The following CBL variants were observed in gnomAD, a reference collection of about 807,000 sequenced individuals.
The protein encoded by CBL is E3 ubiquitin-protein ligase CBL.
CBL carries 45 observed loss-of-function variants against 96.9 expected under a neutral mutation model. The observed-to-expected ratio is 0.46, with a 90% CI of 0.37 to 0.60. CBL has a LOEUF of 0.60. Among genes scored for constraint, CBL ranks in the 20% least tolerant of loss-of-function variants. The pLI, the probability that CBL is intolerant of heterozygous loss-of-function variation, is 0.00. For missense variants in CBL, 1,024 were observed against 1,143.5 expected (o/e 0.90, Z 1.51); for synonymous variants, 420 against 426.8 (o/e 0.98, Z 0.20).
chr11:119,223,184 CTTTTTTTTTTTTTT>C (rs1167302746), intron 1 of CBL, among the ~76,000 whole-genome samples: 6 of 67,196 alleles, frequency 8.9e-5, no homozygotes, highest in East Asian at 1.4e-3. Context: ...CACACCCTTC[CTTTTTTTTTTTTTT>C]TTTTTTTTTT....
At chr11:119,208,293 C>G (rs1949290101) in intron 1 of CBL, among the ~76,000 whole-genome samples, 1 of 151,992 alleles carries the variant, frequency 6.6e-6, no homozygotes, top group Non-Finnish European at 1.5e-5. Flanking sequence ...ATGAGTGTCT[C>G]GTATCAGACA....
chr11:119,277,653 C>T (rs1270730740), intron 6 of CBL, 104 bp from the exon 7 acceptor site: 13 of 752,922 alleles, frequency 1.7e-5, no homozygotes, highest in East Asian at 1.0e-4. Context: ...ACTTACACCA[C>T]GTTGCCCTTT....
Position 119,300,202 on chromosome 11 carries a change from CTG to C in CBL, c.*429_*430del, listed in dbSNP as rs1950092235. 6.3e-6 allele frequency: 3 copies of C among 474,092 alleles called. No homozygotes were observed. The highest frequency in any genetic ancestry group is 1.0e-4 in the South Asian group (2 of 20,068). 29.4% of individuals were successfully genotyped at this position (474,092 alleles called of 1,614,324 possible). A position where few individuals can be genotyped will look rare whatever the true frequency, so the allele number is the denominator to read the frequency against. On this transcript the variant is annotated 3_prime_UTR_variant, in exon 16 of 16. Transcript: ENST00000264033. ...TCCTTGTGATTATAAGATTAACCTG[CTG>C]TGTGTGTTAATTCCAGGCAGGGAAT... is the stretch of plus-strand genomic sequence containing the variant.
intron 1 of CBL, among the ~76,000 whole-genome samples, chr11:119,219,816 T>C (rs1433144447): frequency 6.6e-6 from 1 of 151,252 alleles, no homozygotes; most frequent in Non-Finnish European, 1.5e-5. Context: ...CCCAAGTAGC[T>C]GGGATTATAG....
rs1950122874 is a variant in CBL at position 119,304,676 on chromosome 11, G to C, written c.*4895G>C. On this transcript the variant is annotated 3_prime_UTR_variant, in exon 16 of 16. Coordinates refer to ENST00000264033, the MANE Select transcript of CBL (RefSeq NM_005188.4). ...GAGTCTCGCTGTGTCGCCCAGGCTG[G>C]AGTGCAGTGGTGCAGTCTCAACTCA... 4.8e-6 allele frequency: 1 copy of C among 207,356 alleles called. No individual in the cohort carries two copies. Among genetic ancestry groups the C allele is most frequent in the Admixed American group, 5.9e-5 (1 of 16,814 alleles). 12.8% of individuals were successfully genotyped at this position (207,356 alleles called of 1,614,324 possible).
chr11:119,283,634 T>C (rs1274320440), intron 9 of CBL, among the ~76,000 whole-genome samples: 2 of 60,600 alleles, frequency 3.3e-5, no homozygotes, highest in African/African-American at 1.7e-4. Context: ...TCTTTTTTTT[T>C]TTTTTTTTTT....
chr11:119,256,428 A>T (rs1949711508), intron 2 of CBL, among the ~76,000 whole-genome samples: 2 of 151,894 alleles, frequency 1.3e-5, no homozygotes. Flanking sequence ...TGATCCACCC[A>T]CCTTGGACTC....
Position 119,300,244 on chromosome 11 carries a change from T to A in CBL, c.*463T>A. 1 of 457,290 alleles carries A rather than the reference T, an allele frequency of 2.2e-6. No homozygotes were observed. Among genetic ancestry groups the A allele is most frequent in the Non-Finnish European group, 3.8e-6 (1 of 261,562 alleles). 28.3% of individuals were successfully genotyped at this position (457,290 alleles called of 1,614,324 possible). A position where few individuals can be genotyped will look rare whatever the true frequency, so the allele number is the denominator to read the frequency against. On this transcript the variant is annotated 3_prime_UTR_variant, in exon 16 of 16. Transcript: ENST00000264033. ...AGGCAGGGAATTAGCACAAAAGGTT[T>A]AGGAAGGAATCTTTTTTTAAAGACT...
intron 2 of CBL, among the ~76,000 whole-genome samples, chr11:119,241,096 A>G (rs1217377831): frequency 2.0e-5 from 3 of 152,136 alleles, no homozygotes; most frequent in African/African-American, 7.2e-5. Context: ...AAAATAAAAA[A>G]GAATGTACAT....
intron 1 of CBL, among the ~76,000 whole-genome samples, chr11:119,214,126 G>C (rs1949339332): frequency 6.6e-6 from 1 of 151,838 alleles, no homozygotes; most frequent in Admixed American, 6.6e-5. Flanking sequence ...TGTATTTTTA[G>C]TAGAGACAGG....
intron 6 of CBL, 37 bp from the exon 7 acceptor site, chr11:119,277,720 G>T: frequency 7.0e-7 from 1 of 1,438,254 alleles, no homozygotes; most frequent in South Asian, 1.1e-5. Flanking sequence ...CTGGCAAATT[G>T]GCTTAAATAA....
chr11:119,291,327 G>C (rs1353951715), intron 12 of CBL, among the ~76,000 whole-genome samples: 2 of 152,228 alleles, frequency 1.3e-5, no homozygotes, highest in African/African-American at 4.8e-5. Context: ...TGAGGCTGCT[G>C]TGAGCTGTGA....
At chr11:119,283,032 C>T (rs1295440191) in intron 9 of CBL, among the ~76,000 whole-genome samples, 1 of 152,118 alleles carries the variant, frequency 6.6e-6, no homozygotes, top group Non-Finnish European at 1.5e-5. Flanking sequence ...GAGGTCAAGG[C>T]TGCAGTGCAC....
intron 2 of CBL, among the ~76,000 whole-genome samples, chr11:119,240,881 T>C (rs1949581635): frequency 6.6e-6 from 1 of 152,086 alleles, no homozygotes; most frequent in African/African-American, 2.4e-5. Context: ...AAGACCAGCC[T>C]GGCTAACATC....
chr11:119,213,117 G>T (rs1263829804), intron 1 of CBL, among the ~76,000 whole-genome samples: 1 of 152,008 alleles, frequency 6.6e-6, no homozygotes, highest in East Asian at 1.9e-4. Context: ...GCCCAGCCAA[G>T]AAAGTATTTT....
intron 2 of CBL, among the ~76,000 whole-genome samples, chr11:119,248,596 A>G (rs994043878): frequency 2.6e-5 from 4 of 152,224 alleles, no homozygotes; most frequent in Admixed American, 6.5e-5. Flanking sequence ...GGATTAGGCA[A>G]TGATTTCTTA....
chr11:119,236,650 T>C (rs1291177942), intron 2 of CBL, among the ~76,000 whole-genome samples: 2 of 150,276 alleles, frequency 1.3e-5, no homozygotes, highest in African/African-American at 4.9e-5. Flanking sequence ...TGCTGAGTCA[T>C]ATGGTAATTC....
At chr11:119,295,314 T>C (rs1486719561) in intron 12 of CBL, among the ~76,000 whole-genome samples, 5 of 152,214 alleles carry the variant, frequency 3.3e-5, no homozygotes, top group Admixed American at 6.5e-5. Context: ...GTAAATACTT[T>C]TGTTGAATTA....
At position 119,279,227 on chromosome 11, in the gene CBL, T is replaced by C. The variant is rs576780194; in HGVS notation, c.1431+514T>C. On this transcript the variant is annotated intron_variant, in intron 9 of 15. Transcript: ENST00000264033. ...GGCATTAGAAGGTTGGGGCTGGGCA[T>C]GCCCATAGCTCATGCCTATAATCCC... Among the ~76,000 whole-genome samples, 101 of 152,136 alleles carry C rather than the reference T, an allele frequency of 6.6e-4. 1 individual carries two copies. Among genetic ancestry groups the C allele is most frequent in the African/African-American group, 2.4e-3 (101 of 41,520 alleles).
Sources: allele counts gnomAD v4.1 joint callset (sites outside exome capture counted in the v4.1 genomes callset), GRCh38; gene constraint gnomAD v4.1.1; transcripts MANE v1.5; gene names NCBI Gene and HGNC (gene_info 2026-07-23, HGNC 2026-07-21).